The following GULP1 variants were observed in gnomAD, a reference collection of about 807,000 sequenced individuals.
GULP1 encodes the protein PTB domain-containing engulfment adapter protein 1.
A neutral mutation model predicts 40.9 loss-of-function variants in GULP1; 19 were observed. The observed-to-expected ratio is 0.46, with a 90% CI of 0.32 to 0.68. The LOEUF (loss-of-function observed/expected upper bound fraction) is 0.68. Ranked by LOEUF, GULP1 falls within the 30% of genes least tolerant of loss-of-function variation. GULP1 has a pLI of 0.03. For missense variants in GULP1, 312 were observed against 362.2 expected (o/e 0.86, Z 1.12); for synonymous variants, 119 against 117.6 (o/e 1.01, Z -0.08).
intron 9 of GULP1, among the ~76,000 whole-genome samples, chr2:188,580,033 G>T (rs1297882318): frequency 2.6e-5 from 4 of 152,084 alleles, no homozygotes; most frequent in Non-Finnish European, 4.4e-5. Context: ...TAAGTAAAAA[G>T]ATGCTCTGGT....
intron 2 of GULP1, among the ~76,000 whole-genome samples, chr2:188,419,607 A>G (rs564047666): frequency 2.0e-5 from 3 of 151,278 alleles, no homozygotes; most frequent in African/African-American, 7.3e-5. Flanking sequence ...TTTGGAGATT[A>G]TCCTCATAAT....
At chr2:188,566,444 G>C (rs1053516985) in intron 7 of GULP1, among the ~76,000 whole-genome samples, 1 of 151,958 alleles carries the variant, frequency 6.6e-6, no homozygotes, top group Non-Finnish European at 1.5e-5. Context: ...GAGGCCAAAT[G>C]TCATTAATGA....
At chr2:188,529,326 A>G (rs1575811903) in intron 6 of GULP1, 131 bp downstream of exon 6, 1 of 508,268 alleles carries the variant, frequency 2.0e-6, no homozygotes, top group East Asian at 3.4e-5. Flanking sequence ...TCGAAACTCT[A>G]GGAGTTTTAG....
intron 11 of GULP1, chr2:188,591,055 A>G (rs1703458451): frequency 6.6e-6 from 1 of 152,164 alleles, no homozygotes; most frequent in Non-Finnish European, 1.5e-5. Context: ...GTCTAAAAAT[A>G]TATAAATACA....
intron 1 of GULP1, among the ~76,000 whole-genome samples, chr2:188,337,279 C>T (rs1230110199): frequency 6.6e-6 from 1 of 151,920 alleles, no homozygotes; most frequent in Non-Finnish European, 1.5e-5. Context: ...GCTGGGATTA[C>T]AGGCATGCGC....
intron 3 of GULP1, among the ~76,000 whole-genome samples, chr2:188,480,204 G>T (rs1164797264): frequency 6.6e-6 from 1 of 151,984 alleles, no homozygotes; most frequent in African/African-American, 2.4e-5. Flanking sequence ...TGTATATCTG[G>T]ATAAGCTGGA....
chr2:188,431,278 A>G (rs1306478223), intron 2 of GULP1, among the ~76,000 whole-genome samples: 1 of 152,150 alleles, frequency 6.6e-6, no homozygotes, highest in Non-Finnish European at 1.5e-5. Flanking sequence ...CTATAACAAC[A>G]GATGTAGAAC....
chr2:188,314,002 T>TA (rs1415164296), intron 1 of GULP1, among the ~76,000 whole-genome samples: 3,332 of 146,892 alleles, frequency 0.023, 130 homozygotes, highest in African/African-American at 0.078. Context: ...AAAGGAAAAT[T>TA]AAAAAAAAAA....
chr2:188,294,324 T>C (rs1244459476), intron 1 of GULP1: 1 of 152,238 alleles, frequency 6.6e-6, no homozygotes, highest in Admixed American at 6.5e-5. Flanking sequence ...GTATCCGGCA[T>C]GACTTCTTTG....
intron 1 of GULP1, among the ~76,000 whole-genome samples, chr2:188,362,502 G>A (rs1026326421): frequency 1.3e-5 from 2 of 152,060 alleles, no homozygotes; most frequent in African/African-American, 4.8e-5. Context: ...CAAAACAGTG[G>A]AAGACTTGTG....
intron 7 of GULP1, among the ~76,000 whole-genome samples, chr2:188,543,563 T>G (rs1413285996): frequency 6.6e-6 from 1 of 152,212 alleles, no homozygotes; most frequent in Admixed American, 6.5e-5. Flanking sequence ...ATTTTTGATA[T>G]GCCATCTTAT....
intron 1 of GULP1, among the ~76,000 whole-genome samples, chr2:188,338,770 C>T (rs546237259): frequency 4.6e-5 from 7 of 152,130 alleles, no homozygotes; most frequent in African/African-American, 1.4e-4. Context: ...TAATTTTCAC[C>T]ACTCCCATCT....
At chr2:188,555,002 T>C (rs1266010413) in intron 7 of GULP1, among the ~76,000 whole-genome samples, 2 of 152,134 alleles carry the variant, frequency 1.3e-5, no homozygotes, top group Non-Finnish European at 2.9e-5. Flanking sequence ...AATATCTTTT[T>C]CTGTCTCTTT....
intron 2 of GULP1, among the ~76,000 whole-genome samples, chr2:188,465,593 G>A (rs994036862): frequency 2.6e-5 from 4 of 152,128 alleles, no homozygotes; most frequent in Non-Finnish European, 5.9e-5. Context: ...AGCTCATGAT[G>A]GCAAGGCTTG....
chr2:188,560,926 A>G (rs1204400844), intron 7 of GULP1, among the ~76,000 whole-genome samples: 1 of 152,230 alleles, frequency 6.6e-6, no homozygotes, highest in Non-Finnish European at 1.5e-5. Context: ...ACCATTTATG[A>G]GAAATTCACC....
intron 7 of GULP1, chr2:188,542,055 C>T (rs1575923613): frequency 6.6e-6 from 1 of 151,482 alleles, no homozygotes; most frequent in South Asian, 2.1e-4. Flanking sequence ...TGCAGTGAGC[C>T]AAGATCGCGC....
intron 7 of GULP1, among the ~76,000 whole-genome samples, chr2:188,549,853 C>T (rs546411939): frequency 3.8e-4 from 57 of 151,806 alleles, no homozygotes; most frequent in Non-Finnish European, 6.8e-4. Context: ...AGCCTGTGTA[C>T]TCTATGATTC....
intron 1 of GULP1, among the ~76,000 whole-genome samples, chr2:188,378,436 A>C (rs2048580533): frequency 6.6e-6 from 1 of 152,196 alleles, no homozygotes; most frequent in South Asian, 2.1e-4. Context: ...AGGAAATGAA[A>C]TTGTACGTTG....
chr2:188,540,371 T>G (rs563383902), intron 6 of GULP1, among the ~76,000 whole-genome samples: 1 of 151,936 alleles, frequency 6.6e-6, no homozygotes, highest in South Asian at 2.1e-4. Context: ...ACACATTTAT[T>G]TTATATAAAT....
Sources: gnomAD v4.1 joint callset for allele counts (sites outside exome capture counted in the v4.1 genomes callset) on GRCh38, gnomAD v4.1.1 for gene constraint, MANE v1.5 for transcripts, NCBI Gene and HGNC (gene_info 2026-07-23, HGNC 2026-07-21) for gene names.